SHOX: variants seen among roughly 807,000 people sequenced by gnomAD.
SHOX encodes the protein short stature homeobox protein.
In SHOX, 12 loss-of-function variants were observed where a neutral mutation model predicts 29.6. That is an observed-to-expected ratio of 0.41 (90% CI 0.26 to 0.66). The LOEUF (loss-of-function observed/expected upper bound fraction) is 0.66. SHOX is among the 30% of genes least tolerant of loss of function. SHOX has a pLI of 0.35. For synonymous variants in SHOX, 214 were observed against 200.6 expected (o/e 1.07, Z -0.57); for missense variants, 499 against 437.7 (o/e 1.14, Z -1.25).
intron 1 of SHOX, among the ~76,000 whole-genome samples, chrX:625,057 T>TC (rs199719352): frequency 0.33 from 32,202 of 96,708 alleles, 8,131 homozygotes; most frequent in African/African-American, 0.69. Flanking sequence ...CTCTGTTCCT[T>TC]CCTCCCTCCC....
At chrX:626,909 C>A (rs1282588692), upstream of SHOX, among the ~76,000 whole-genome samples, 2 of 151,380 alleles carry the variant, frequency 1.3e-5, no homozygotes, top group Non-Finnish European at 2.9e-5. Flanking sequence ...CTCTGTCTCT[C>A]TCTGTGTCTC....
intron 1 of SHOX, among the ~76,000 whole-genome samples, chrX:633,509 C>A (rs1254490996): frequency 6.6e-6 from 1 of 151,866 alleles, no homozygotes; most frequent in African/African-American, 2.4e-5. Context: ...TGGTGTGGAT[C>A]GTGGAAGGAA....
upstream of SHOX, among the ~76,000 whole-genome samples, chrX:629,463 TTCTC>T (rs2052608671): frequency 7.6e-6 from 1 of 132,236 alleles, no homozygotes. Flanking sequence ...GTCTCTCCCT[TTCTC>T]TCTGTCTTTC....
chrX:651,502 A>G lies in SHOX; in HGVS notation c.*6866A>G, dbSNP rs888971685. Reference sequence around the variant, plus strand: ...ATAATCTCAATGTTGAGTTGCAGCAACAGACTGTATTTTTGTGACGCCCCG... The same window carrying G: ...ATAATCTCAATGTTGAGTTGCAGCAGCAGACTGTATTTTTGTGACGCCCCG... On this transcript the variant is annotated 3_prime_UTR_variant, in exon 5 of 5. Transcript: ENST00000686671. 1 of 426,102 alleles carries G rather than the reference A, an allele frequency of 2.3e-6. No homozygotes were observed. The highest frequency in any genetic ancestry group is 4.7e-6 in the Non-Finnish European group (1 of 214,658). The allele number at this position is 426,102 out of a possible 1,614,324, so 26.4% of individuals were successfully genotyped here.
intron 1 of SHOX, among the ~76,000 whole-genome samples, chrX:624,935 CTTT>C (rs1474378710): frequency 4.0e-4 from 45 of 111,562 alleles, no homozygotes; most frequent in African/African-American, 1.4e-3. Flanking sequence ...TCTTTCTTTT[CTTT>C]CTTTCACTTG....
At chrX:643,881 TGGTGTCCCGGGAGAGCCTTGGGGACCA>T (rs2052913071) in intron 4 of SHOX, among the ~76,000 whole-genome samples, 1 of 141,992 alleles carries the variant, frequency 7.0e-6, no homozygotes, top group Non-Finnish European at 1.5e-5. Flanking sequence ...CTTGGGAGCC[TGGTGTCCCGGGAGAGCCTTGGGGACCA>T]GGTGACCTTG....
At chrX:643,205 C>A (rs1012843092) in intron 4 of SHOX, among the ~76,000 whole-genome samples, 1 of 140,470 alleles carries the variant, frequency 7.1e-6, no homozygotes, top group African/African-American at 2.7e-5. Flanking sequence ...CCTGGTGTCT[C>A]TGGAAGAGGC....
intron 1 of SHOX, among the ~76,000 whole-genome samples, chrX:625,569 T>C (rs1273624604): frequency 6.6e-6 from 1 of 150,952 alleles, no homozygotes; most frequent in Non-Finnish European, 1.5e-5. Context: ...TCTCTGTATC[T>C]CTGTCCATCT....
intron 1 of SHOX, 92 bp downstream of exon 1, chrX:631,266 CACATTTGCAGCTCCCGTCTCGCCAGGGT>C: frequency 6.8e-7 from 1 of 1,477,506 alleles, no homozygotes; most frequent in Middle Eastern, 2.1e-4. Flanking sequence ...CCTCGCTGTG[CACATTTGCAGCTCCCGTCTCGCCAGGGT>C]AAGGCCCGGG....
chrX:634,835 C>T lies in SHOX; in HGVS notation c.486+9C>T, dbSNP rs1569493706. On this transcript the variant is annotated intron_variant, in intron 2 of 4. Coordinates refer to ENST00000686671, the MANE Select transcript of SHOX (RefSeq NM_000451.4). ...CCGAGGCGCGCGTGCAGGTAGGAAC[C>T]CGGGGGCGGGGGCGGGGGGCCCGGA... 2 of 1,554,956 alleles carry T rather than the reference C, an allele frequency of 1.3e-6. No homozygotes were observed. The highest frequency in any genetic ancestry group is 1.7e-6 in the Non-Finnish European group (2 of 1,149,722).
intron 2 of SHOX, among the ~76,000 whole-genome samples, chrX:635,099 T>A: frequency 6.6e-6 from 1 of 152,120 alleles, no homozygotes; most frequent in Admixed American, 6.5e-5. Context: ...GTTATACAGA[T>A]GGGTATATTG....
chrX:628,145 GTC>G (rs1349994161), upstream of SHOX, among the ~76,000 whole-genome samples: 4 of 38,358 alleles, frequency 1.0e-4, no homozygotes, highest in African/African-American at 2.3e-4. Flanking sequence ...CTCTATCTGT[GTC>G]TCTCTTTTTC....
downstream of SHOX, among the ~76,000 whole-genome samples, chrX:651,931 T>A (rs1241448733): frequency 6.6e-6 from 1 of 152,138 alleles, no homozygotes; most frequent in Non-Finnish European, 1.5e-5. Context: ...AATTTATTTT[T>A]TTTTTTGAGA....
intron 2 of SHOX, among the ~76,000 whole-genome samples, chrX:635,151 C>G (rs1427265685): frequency 1.3e-5 from 2 of 151,908 alleles, no homozygotes; most frequent in East Asian, 1.9e-4. Flanking sequence ...GCAAAGACAC[C>G]CGGTGAACCC....
chrX:650,581 T>G lies in SHOX; in HGVS notation c.*5945T>G, dbSNP rs1376918225. 6.6e-6 allele frequency among the ~76,000 whole-genome samples: 1 copy of G among 151,852 alleles called. No individual in the cohort carries two copies. Among genetic ancestry groups the G allele is most frequent in the Admixed American group, 6.6e-5 (1 of 15,222 alleles). On this transcript the variant is annotated 3_prime_UTR_variant, in exon 5 of 5. Transcript: ENST00000686671. ...CTGTCCTCGCCTCTGGGTTTCATGC[T>G]GACCTTTCTAACATTTGTTTTCCCC...
rs886042718 is a variant in SHOX at position 644,480 on chromosome X, C to A, written c.723C>A (p.Phe241Leu). The change falls in exon 5 of 5, where the codon TTC (phenylalanine) becomes TTA (leucine). Residue 241 changes from phenylalanine to leucine, a missense_variant. By Grantham distance (22) the Phe-to-Leu change is conservative (BLOSUM62 0). Coordinates refer to ENST00000686671, the MANE Select transcript of SHOX (RefSeq NM_000451.4). ...HLAAHAPYLM[F>L]PPPPFGLPIA... ...CGGCGCACGCGCCCTACCTGATGTTCCCCCCGCCGCCCTTCGGGCTGCCCA... is the reference window on the plus strand; with the variant it reads ...CGGCGCACGCGCCCTACCTGATGTTACCCCCGCCGCCCTTCGGGCTGCCCA... 1.3e-6 allele frequency: 2 copies of A among 1,522,676 alleles called. No homozygotes were observed. 94.3% of individuals were successfully genotyped at this position (1,522,676 alleles called of 1,614,324 possible).
At chrX:655,608 CTCTCTCTATATATA>C (rs1225984025), downstream of SHOX, among the ~76,000 whole-genome samples, 105 of 24,454 alleles carry the variant, frequency 4.3e-3, no homozygotes, top group East Asian at 0.012. Context: ...CTCTCTCTCT[CTCTCTCTATATATA>C]TATATATATA....
At chrX:624,910 CTTTCTTTCTTTCTTTCTTTCT>C (rs2052486585) in intron 1 of SHOX, among the ~76,000 whole-genome samples, 5 of 68,102 alleles carry the variant, frequency 7.3e-5, no homozygotes, top group South Asian at 1.1e-3. Context: ...TTCTCTCTTC[CTTTCTTTCTTTCTTTCTTTCT>C]TTTCTTTCTT....
At chrX:633,031 A>AC (rs1463816043) in intron 1 of SHOX, among the ~76,000 whole-genome samples, 1 of 152,044 alleles carries the variant, frequency 6.6e-6, no homozygotes, top group Non-Finnish European at 1.5e-5. Flanking sequence ...CAGGCCAAAG[A>AC]CCCAGGGCCA....
Sources: gnomAD v4.1 joint callset for allele counts (sites outside exome capture counted in the v4.1 genomes callset) on GRCh38, gnomAD v4.1.1 for gene constraint, MANE v1.5 for transcripts, NCBI Gene and HGNC (gene_info 2026-07-23, HGNC 2026-07-21) for gene names.